Variants in FAM53A observed in about 807,000 individuals in gnomAD.
The protein encoded by FAM53A is family with sequence similarity 53 member A.
A neutral mutation model predicts 26.6 loss-of-function variants in FAM53A; 28 were observed. The ratio of observed to expected loss-of-function variants is 1.05; its 90% CI spans 0.78 to 1.45. FAM53A has a LOEUF of 1.45. FAM53A is among the 40% of genes most tolerant of loss of function. The pLI is 0.00. For synonymous variants in FAM53A, 290 were observed against 253.1 expected (o/e 1.15, Z -1.38); for missense variants, 650 against 575.8 (o/e 1.13, Z -1.32).
the FAM53A span, among the ~76,000 whole-genome samples, chr4:1,584,580 C>T: frequency 6.4e-3 from 982 of 152,350 alleles, 13 homozygotes; most frequent in African/African-American, 0.022. Context: ...TGTGGCTGCA[C>T]CTGGATGTCA....
rs1283781812 is a variant in FAM53A at position 1,640,902 on chromosome 4, T to C, written c.*391A>G. 26 of 402,208 alleles carry C rather than the reference T, an allele frequency of 6.5e-5. No individual in the cohort carries two copies. The highest frequency in any genetic ancestry group is 9.3e-6 in the Non-Finnish European group (2 of 214,236). 24.9% of individuals were successfully genotyped at this position (402,208 alleles called of 1,614,324 possible). A position where few individuals can be genotyped will look rare whatever the true frequency, so the allele number is the denominator to read the frequency against. ...CTGGGGCAGGTGCAGGCAGCAGCCA[T>C]GGCCCCGACCAGCTCACAGGAAACC... On this transcript the variant is annotated 3_prime_UTR_variant, in exon 5 of 5. Transcript: ENST00000308132.
chr4:1,636,607 G>T (rs1715850267), downstream of FAM53A, among the ~76,000 whole-genome samples: 1 of 152,238 alleles, frequency 6.6e-6, no homozygotes, highest in Non-Finnish European at 1.5e-5. Flanking sequence ...CTTCACACTG[G>T]CTGTCCTGGG....
At chr4:1,591,430 A>G in the FAM53A span, among the ~76,000 whole-genome samples, 417 of 152,308 alleles carry the variant, frequency 2.7e-3, 4 homozygotes, top group East Asian at 0.027. Flanking sequence ...CCAGGAATGA[A>G]GGAGAGAGAA....
At chr4:1,577,198 T>G in the FAM53A span, among the ~76,000 whole-genome samples, 2 of 152,272 alleles carry the variant, frequency 1.3e-5, no homozygotes, top group East Asian at 3.9e-4. Flanking sequence ...GCACACTCAC[T>G]GGGACACTGC....
At chr4:1,632,163 C>A (rs1179101741) in intron 1 of FAM53A, among the ~76,000 whole-genome samples, 909 of 106,998 alleles carry the variant, frequency 8.5e-3, no homozygotes, top group Middle Eastern at 0.011. Context: ...GATTCCATCT[C>A]AAAAAAAAAA....
At chr4:1,617,187 C>T (rs1458744698), downstream of FAM53A, among the ~76,000 whole-genome samples, 3 of 144,234 alleles carry the variant, frequency 2.1e-5, no homozygotes, top group Non-Finnish European at 4.4e-5. Context: ...GTTGACAACA[C>T]TCATGAGGCC....
In FAM53A at chr4:1,655,243, G is replaced by A. The variant is rs762903806; in HGVS notation, c.617C>T (p.Pro206Leu). 177 of 1,505,216 alleles carry A rather than the reference G, an allele frequency of 1.2e-4. 1 individual carries two copies. Among genetic ancestry groups the A allele is most frequent in the Non-Finnish European group, 1.4e-4 (164 of 1,137,536 alleles). 93.2% of individuals were successfully genotyped at this position (1,505,216 alleles called of 1,614,324 possible). The part of the protein sequence containing the change: ...DSSEGSAGSG[P>L]LWCSAESCLP... ...GCAGGACTCCGCGGAACACCAGAGC[G>A]GGCCTGAGCCCGCACTGCCCTCGCT... The change falls in exon 4 of 5, where the codon CCG (proline) becomes CTG (leucine). Residue 206 changes from proline to leucine, a missense_variant. Physicochemically the swap from Pro to Leu is moderately conservative, Grantham distance 98. Coordinates refer to ENST00000308132, the MANE Select transcript of FAM53A (RefSeq NM_001174070.3).
chr4:1,596,873 G>T, the FAM53A span, among the ~76,000 whole-genome samples: 1 of 152,162 alleles, frequency 6.6e-6, no homozygotes, highest in African/African-American at 2.4e-5. Context: ...GGGAGAGACA[G>T]AGACAGTGGG....
downstream of FAM53A, among the ~76,000 whole-genome samples, chr4:1,615,726 C>A (rs899597286): frequency 7.2e-5 from 11 of 152,252 alleles, no homozygotes; most frequent in Non-Finnish European, 1.6e-4. Context: ...CCAAGAATGA[C>A]CACAAAAGCA....
At chr4:1,589,450 T>G in the FAM53A span, among the ~76,000 whole-genome samples, 2 of 152,198 alleles carry the variant, frequency 1.3e-5, no homozygotes, top group East Asian at 3.8e-4. Context: ...AGAGTGTTGC[T>G]TGCCCATAAA....
chr4:1,629,066 T>C (rs1301951144), intron 1 of FAM53A, among the ~76,000 whole-genome samples: 2 of 151,926 alleles, frequency 1.3e-5, no homozygotes, highest in Non-Finnish European at 2.9e-5. Flanking sequence ...CCCCAGGATG[T>C]GCGCCATGCC....
intron 1 of FAM53A, among the ~76,000 whole-genome samples, chr4:1,680,677 G>T (rs564379832): frequency 1.5e-4 from 23 of 152,096 alleles, no homozygotes; most frequent in African/African-American, 4.8e-4. Context: ...AAATACAGAA[G>T]ATATTTAAAT....
chr4:1,583,355 G>A, the FAM53A span, among the ~76,000 whole-genome samples: 2 of 152,240 alleles, frequency 1.3e-5, no homozygotes, highest in Non-Finnish European at 2.9e-5. Flanking sequence ...CAGGAGGCAA[G>A]GTGGCCACAT....
chr4:1,670,989 C>T (rs1224369996), intron 1 of FAM53A, among the ~76,000 whole-genome samples: 1 of 148,828 alleles, frequency 6.7e-6, no homozygotes, highest in African/African-American at 2.5e-5. Flanking sequence ...CCCGGACTCA[C>T]CTCTGTCCCA....
chr4:1,592,827 G>A, the FAM53A span, among the ~76,000 whole-genome samples: 1 of 152,142 alleles, frequency 6.6e-6, no homozygotes, highest in Non-Finnish European at 1.5e-5. Context: ...AGTGGGCGCC[G>A]GGCACCACGT....
At chr4:1,633,616 G>A (rs1421575544) in intron 1 of FAM53A, among the ~76,000 whole-genome samples, 1 of 152,112 alleles carries the variant, frequency 6.6e-6, no homozygotes, top group African/African-American at 2.4e-5. Flanking sequence ...AGAAGAATGG[G>A]TGAGCCCATC....
chr4:1,676,460 T>C (rs963044624), intron 1 of FAM53A, among the ~76,000 whole-genome samples: 1 of 152,180 alleles, frequency 6.6e-6, no homozygotes, highest in Non-Finnish European at 1.5e-5. Context: ...GGGTCAGGAC[T>C]TCAACATGTG....
chr4:1,667,995 CGCGGCTA>C (rs1262771606), intron 2 of FAM53A, among the ~76,000 whole-genome samples: 8 of 152,138 alleles, frequency 5.3e-5, no homozygotes, highest in African/African-American at 1.9e-4. Context: ...CCTTGGGAGG[CGCGGCTA>C]GGAGGGGAGG....
In FAM53A at chr4:1,659,034, A is replaced by G. The variant is rs1713630430; in HGVS notation, c.76-1566T>C. 6.6e-6 allele frequency among the ~76,000 whole-genome samples: 1 copy of G among 152,272 alleles called. No individual in the cohort carries two copies. The highest frequency in any genetic ancestry group is 6.5e-5 in the Admixed American group (1 of 15,292). On this transcript the variant is annotated intron_variant, in intron 2 of 4. Coordinates refer to ENST00000308132, the MANE Select transcript of FAM53A (RefSeq NM_001174070.3). The surrounding 1 kb of genome is among the most constrained non-coding windows in gnomAD (Gnocchi z 5.2). ...CATTTCCAAACACGATAAAATTAAA[A>G]GGAAATCCTTCACTGCTTCCTGTAA...
Sources: gnomAD v4.1 joint callset for allele counts (sites outside exome capture counted in the v4.1 genomes callset) on GRCh38, gnomAD v4.1.1 for gene constraint, Gnocchi (gnomAD v3.1) non-coding constraint, MANE v1.5 for transcripts, NCBI Gene and HGNC (gene_info 2026-07-23, HGNC 2026-07-21) for gene names.